Variants in TTC21B observed in about 807,000 individuals in gnomAD.
TTC21B encodes the protein tetratricopeptide repeat protein 21B.
In TTC21B, 127 loss-of-function variants were observed where a neutral mutation model predicts 175.1. The ratio of observed to expected loss-of-function variants is 0.73; its 90% CI spans 0.63 to 0.84. The LOEUF is 0.84. Ranked by LOEUF, TTC21B falls within the 40% of genes least tolerant of loss-of-function variation. The pLI, the probability that TTC21B is intolerant of heterozygous loss-of-function variation, is 0.00. For synonymous variants in TTC21B, 524 were observed against 524.5 expected, an observed-to-expected ratio of 1.00 and a Z score of 0.01; for missense variants, 1,561 against 1,558.3, an observed-to-expected ratio of 1.00 and a Z score of -0.03.
chr2:165,930,396 A>T, intron 8 of TTC21B, 32 bp from the exon 9 acceptor site: 1 of 1,488,584 alleles, frequency 6.7e-7, no homozygotes, highest in East Asian at 2.3e-5. Context: ...GTAAGATTTC[A>T]AAGTCTAACA....
chr2:165,880,758 T>G lies in TTC21B; in HGVS notation c.3726A>C (p.Glu1242Asp). Residue 1242 changes from glutamate to aspartate, a missense_variant, in exon 27 of 29, where the codon GAA becomes GAC. By Grantham distance (45) the Glu-to-Asp change is conservative. Transcript: ENST00000243344. Reference sequence around the variant, plus strand: ...CAGCATCTGTATATGCTTGCTCTTTTTCCATAATGTATCCCATATATTCAT... The same window carrying G: ...CAGCATCTGTATATGCTTGCTCTTTGTCCATAATGTATCCCATATATTCAT... Reference protein sequence around the residue: ...KAYEYMGYIMEKEQAYTDAAL... With the variant: ...KAYEYMGYIMDKEQAYTDAAL... The G allele has an allele frequency of 6.2e-7, 1 of 1,613,296 alleles. No homozygotes were observed.
chr2:165,924,737 T>C (rs1321667312), intron 11 of TTC21B, 59 bp from the exon 12 acceptor site: 4 of 1,328,738 alleles, frequency 3.0e-6, no homozygotes, highest in Non-Finnish European at 4.2e-6. Context: ...TTACCTAAAA[T>C]AAACATATAT....
intron 8 of TTC21B, among the ~76,000 whole-genome samples, chr2:165,930,642 A>T (rs894596956): frequency 5.3e-5 from 8 of 151,854 alleles, no homozygotes; most frequent in African/African-American, 1.9e-4. Context: ...CTGCAAAAAC[A>T]TATTTTTTGA....
intron 7 of TTC21B, among the ~76,000 whole-genome samples, chr2:165,932,769 T>C (rs979142484): frequency 2.4e-4 from 36 of 152,144 alleles, no homozygotes; most frequent in Admixed American, 2.3e-3. Flanking sequence ...ATTAACTGTA[T>C]AGTATTTTTG....
intron 27 of TTC21B, among the ~76,000 whole-genome samples, chr2:165,878,337 TATG>T (rs1684735256): frequency 6.6e-6 from 1 of 152,082 alleles, no homozygotes; most frequent in Non-Finnish European, 1.5e-5. Flanking sequence ...AACTCAACTA[TATG>T]CAATCAGGAG....
At position 165,917,397 on chromosome 2, in the gene TTC21B, G is replaced by A. The variant is rs1230365082; in HGVS notation, c.1759C>T (p.His587Tyr). The change falls in exon 14 of 29, where the codon CAT (histidine) becomes TAT (tyrosine). Residue 587 changes from histidine (H) to tyrosine (Y), a missense_variant. By Grantham distance (83) the His-to-Tyr change is moderately conservative. Coordinates refer to ENST00000243344, the MANE Select transcript of TTC21B (RefSeq NM_024753.5). ...GEIADAIKTLHMAMSLPGMKR... is the reference protein window; with the variant it reads ...GEIADAIKTLYMAMSLPGMKR... ...ATTCCTGGTAAACTCATTGCCATAT[G>A]CAGTGTTTTAATTGCGTCTGCTATT... is the stretch of plus-strand genomic sequence containing the variant. 19 of 1,614,070 alleles carry A rather than the reference G, an allele frequency of 1.2e-5. No individual in the cohort carries two copies. Among genetic ancestry groups the A allele is most frequent in the Non-Finnish European group, 1.5e-5 (18 of 1,179,992 alleles).
At chr2:165,874,972 T>G in intron 28 of TTC21B, 140 bp from the exon 29 acceptor site, 1 of 717,462 alleles carries the variant, frequency 1.4e-6, no homozygotes, top group Non-Finnish European at 2.4e-6. Context: ...TTTTTAATGG[T>G]GGCATTTTAA....
chr2:165,951,133 T>C (rs1368977111), intron 1 of TTC21B, among the ~76,000 whole-genome samples: 1 of 152,186 alleles, frequency 6.6e-6, no homozygotes, highest in African/African-American at 2.4e-5. Flanking sequence ...CAATGCTCCA[T>C]TCCCTAAAGT....
At chr2:165,915,751 T>G (rs1686145761) in intron 14 of TTC21B, among the ~76,000 whole-genome samples, 1 of 152,220 alleles carries the variant, frequency 6.6e-6, no homozygotes, top group Non-Finnish European at 1.5e-5. Context: ...TGAAGAGCTG[T>G]ACACACTGGC....
At chr2:165,929,958 A>T (rs1038350938) in intron 9 of TTC21B, among the ~76,000 whole-genome samples, 2 of 152,108 alleles carry the variant, frequency 1.3e-5, no homozygotes, top group Non-Finnish European at 2.9e-5. Flanking sequence ...TGAAGAATTC[A>T]TAATTTATAG....
chr2:165,889,389 C>G (rs1253384650), intron 24 of TTC21B, among the ~76,000 whole-genome samples: 1 of 152,134 alleles, frequency 6.6e-6, no homozygotes, highest in African/African-American at 2.4e-5. Flanking sequence ...ACATTTAGTT[C>G]TCAGATTTTT....
chr2:165,899,907 A>C (rs1452914234), intron 20 of TTC21B, 27 bp from the exon 21 acceptor site: 1 of 1,410,984 alleles, frequency 7.1e-7, no homozygotes, highest in East Asian at 2.3e-5. Context: ...TAGATTCATC[A>C]GACACTGTAT....
In TTC21B at chr2:165,905,175, TAAG is replaced by T. The variant is rs145863675; in HGVS notation, c.2568+2500_2568+2502del. 8.8e-3 allele frequency among the ~76,000 whole-genome samples: 1,335 copies of T among 152,012 alleles called. 20 individuals carry two copies. Among genetic ancestry groups the T allele is most frequent in the African/African-American group, 0.031 (1,272 of 41,448 alleles). On this transcript the variant is annotated intron_variant, in intron 19 of 28. Transcript: ENST00000243344. ...CAAAGATAGAATAATAGAATTTGGA[TAAG>T]AAGAAATGTGTGTTGTAGCTAACAC... is the stretch of plus-strand genomic sequence containing the variant.
intron 22 of TTC21B, among the ~76,000 whole-genome samples, chr2:165,892,036 T>C (rs1362768660): frequency 6.6e-6 from 1 of 152,168 alleles, no homozygotes; most frequent in African/African-American, 2.4e-5. Flanking sequence ...ACAGTTAACA[T>C]TTCCCAACTG....
At chr2:165,880,181 C>G (rs1313921237) in intron 27 of TTC21B, among the ~76,000 whole-genome samples, 1 of 152,018 alleles carries the variant, frequency 6.6e-6, no homozygotes, top group African/African-American at 2.4e-5. Flanking sequence ...CCTGCAACAT[C>G]CAGCCTGGGA....
chr2:165,914,655 ATC>A (rs202066590), intron 15 of TTC21B, among the ~76,000 whole-genome samples: 17 of 75,706 alleles, frequency 2.2e-4, no homozygotes, highest in East Asian at 5.9e-4. Context: ...AGGAAGAGCA[ATC>A]TGTGTGTGTG....
intron 24 of TTC21B, among the ~76,000 whole-genome samples, chr2:165,889,902 A>G (rs1437941197): frequency 6.6e-6 from 1 of 152,142 alleles, no homozygotes; most frequent in East Asian, 1.9e-4. Context: ...CATTCCCCAC[A>G]AGCCTTGCCT....
intron 20 of TTC21B, among the ~76,000 whole-genome samples, chr2:165,900,744 T>C (rs1460675411): frequency 2.6e-5 from 4 of 151,782 alleles, no homozygotes; most frequent in Non-Finnish European, 5.9e-5. Context: ...TAAATTATTT[T>C]AAAATTAATT....
At chr2:165,891,054 CT>C in intron 22 of TTC21B, 66 bp from the exon 23 acceptor site, 1 of 1,336,254 alleles carries the variant, frequency 7.5e-7, no homozygotes, top group South Asian at 1.2e-5. Flanking sequence ...GGTTATAATT[CT>C]ACTTCATTAG....
Sources: gnomAD v4.1 joint callset for allele counts (sites outside exome capture counted in the v4.1 genomes callset) on GRCh38, gnomAD v4.1.1 for gene constraint, MANE v1.5 for transcripts, NCBI Gene and HGNC (gene_info 2026-07-23, HGNC 2026-07-21) for gene names.